Variants in CSMD3 observed in about 807,000 individuals in gnomAD.
CSMD3 encodes CUB and sushi domain-containing protein 3.
CSMD3 carries 177 observed loss-of-function variants against 435.2 expected under a neutral mutation model. That is an observed-to-expected ratio of 0.41 (90% CI 0.36 to 0.46). The LOEUF is 0.46. Among genes scored for constraint, CSMD3 ranks in the 20% least tolerant of loss-of-function variants. CSMD3 has a pLI of 0.34. For synonymous variants in CSMD3, 1,656 were observed against 1,520.5 expected, an observed-to-expected ratio of 1.09 and a Z score of -2.07; for missense variants, 4,265 against 4,504.6, an observed-to-expected ratio of 0.95 and a Z score of 1.52.
intron 13 of CSMD3, among the ~76,000 whole-genome samples, chr8:112,712,057 A>G (rs146383979): frequency 3.3e-5 from 5 of 152,266 alleles, no homozygotes; most frequent in Admixed American, 2.0e-4. Context: ...GTAACTGAGA[A>G]ACACTGTAAA....
chr8:113,322,323 A>C (rs2093954733), intron 1 of CSMD3, among the ~76,000 whole-genome samples: 1 of 152,190 alleles, frequency 6.6e-6, no homozygotes, highest in Non-Finnish European at 1.5e-5. Flanking sequence ...CATGCACATT[A>C]GGAACACATA....
At chr8:113,404,892 A>C (rs1372319460) in intron 1 of CSMD3, among the ~76,000 whole-genome samples, 1 of 151,466 alleles carries the variant, frequency 6.6e-6, no homozygotes, top group Admixed American at 6.6e-5. Context: ...TTCATCCCTT[A>C]AAAAATATAA....
chr8:113,387,887 A>G (rs1162972710), intron 1 of CSMD3, among the ~76,000 whole-genome samples: 1 of 151,708 alleles, frequency 6.6e-6, no homozygotes, highest in African/African-American at 2.4e-5. Flanking sequence ...CCCACATCTC[A>G]TCTAAATACT....
chr8:113,024,320 T>A (rs4876503), intron 5 of CSMD3, among the ~76,000 whole-genome samples: 21 of 2,556 alleles, frequency 8.2e-3, no homozygotes, highest in South Asian at 0.079. Context: ...GTGTGTGTGT[T>A]TGTGTGTGTG....
chr8:112,645,289 C>T, intron 19 of CSMD3, 64 bp from the exon 20 acceptor site: 1 of 886,546 alleles, frequency 1.1e-6, no homozygotes. Context: ...GAACAAATCT[C>T]TATCTCCTCT....
rs115134214 is a variant in CSMD3, at chr8:112,711,942, A to G, written c.1973-21892T>C. On this transcript the variant is annotated intron_variant, in intron 13 of 70. Transcript: ENST00000297405. ...CAATTATATATCAAGATGTTCCAGA[A>G]GAGTCCTACTTAGGACATTATGCCT... Among the ~76,000 whole-genome samples, 611 of 152,226 alleles carry G rather than the reference A, an allele frequency of 4.0e-3. 3 individuals carry two copies. The highest frequency in any genetic ancestry group is 0.014 in the African/African-American group (580 of 41,540).
chr8:113,331,759 TA>T (rs376389178), intron 1 of CSMD3, among the ~76,000 whole-genome samples: 2 of 151,622 alleles, frequency 1.3e-5, no homozygotes, highest in Admixed American at 6.6e-5. Flanking sequence ...CTCAATAAAC[TA>T]AAAATAGAAT....
chr8:112,703,578 A>T (rs1212590431), intron 13 of CSMD3, among the ~76,000 whole-genome samples: 1 of 152,172 alleles, frequency 6.6e-6, no homozygotes, highest in Non-Finnish European at 1.5e-5. Flanking sequence ...CTACTCATTG[A>T]TCAATCTCTG....
At chr8:112,941,525 G>C (rs2083451114) in intron 9 of CSMD3, among the ~76,000 whole-genome samples, 1 of 151,702 alleles carries the variant, frequency 6.6e-6, no homozygotes, top group Admixed American at 6.6e-5. Flanking sequence ...TGGAAATGCA[G>C]ATCAGAGAAC....
intron 3 of CSMD3, among the ~76,000 whole-genome samples, chr8:113,215,625 T>C (rs965666948): frequency 2.0e-5 from 3 of 151,914 alleles, no homozygotes; most frequent in African/African-American, 4.8e-5. Context: ...CAAGTAAATA[T>C]GCCAATGAAT....
Position 112,438,771 on chromosome 8 carries a change from A to G in CSMD3, c.5396-29739T>C, listed in dbSNP as rs191886331. 3.4e-3 allele frequency among the ~76,000 whole-genome samples: 512 copies of G among 152,352 alleles called. 1 individual carries two copies. The highest frequency in any genetic ancestry group is 6.8e-3 in the Middle Eastern group (2 of 294). On this transcript the variant is annotated intron_variant, in intron 32 of 70. Transcript: ENST00000297405. The stretch of plus-strand genomic sequence containing the variant: ...CAACAGGAAAGACTCATAAAAGGGT[A>G]GTTAGCATTTGGTTAAATAAATGAA...
At chr8:112,803,592 C>G (rs561857910) in intron 12 of CSMD3, among the ~76,000 whole-genome samples, 1 of 152,130 alleles carries the variant, frequency 6.6e-6, no homozygotes, top group South Asian at 2.1e-4. Flanking sequence ...GTAGAGTGGT[C>G]TCACTTGCTA....
chr8:112,242,670 A>G (rs1814281348), intron 65 of CSMD3, among the ~76,000 whole-genome samples: 1 of 152,286 alleles, frequency 6.6e-6, no homozygotes, highest in African/African-American at 2.4e-5. Flanking sequence ...TCACTGAGAT[A>G]GGGAATACCA....
intron 24 of CSMD3, among the ~76,000 whole-genome samples, chr8:112,563,143 GA>G (rs911114872): frequency 2.0e-5 from 3 of 151,392 alleles, no homozygotes; most frequent in Middle Eastern, 3.4e-3. Context: ...AGGGAATAAA[GA>G]AAAAAAGAAA....
At chr8:113,068,766 C>T (rs1185373989) in intron 5 of CSMD3, among the ~76,000 whole-genome samples, 1 of 151,960 alleles carries the variant, frequency 6.6e-6, no homozygotes, top group Non-Finnish European at 1.5e-5. Flanking sequence ...GATGTTCTTG[C>T]TATTTTTTCT....
intron 12 of CSMD3, among the ~76,000 whole-genome samples, chr8:112,814,040 A>G (rs2079302962): frequency 6.6e-6 from 1 of 152,152 alleles, no homozygotes; most frequent in Admixed American, 6.6e-5. Context: ...ATAGGCATAC[A>G]CATTTATTTA....
chr8:112,415,571 A>C (rs1233302672), intron 32 of CSMD3, among the ~76,000 whole-genome samples: 1 of 152,180 alleles, frequency 6.6e-6, no homozygotes, highest in East Asian at 1.9e-4. Context: ...AGCTATGAGA[A>C]GAGGGCCACC....
At chr8:113,182,152 T>C (rs1385796073) in intron 3 of CSMD3, among the ~76,000 whole-genome samples, 1 of 152,002 alleles carries the variant, frequency 6.6e-6, no homozygotes, top group Middle Eastern at 3.2e-3. Context: ...AAGACATACA[T>C]GGTAATGACC....
At chr8:113,274,278 G>A (rs939215623) in intron 3 of CSMD3, among the ~76,000 whole-genome samples, 1 of 151,872 alleles carries the variant, frequency 6.6e-6, no homozygotes. Context: ...AATGTATCAA[G>A]GGATCTAGAA....
Sources: allele counts gnomAD v4.1 joint callset (sites outside exome capture counted in the v4.1 genomes callset), GRCh38; gene constraint gnomAD v4.1.1; transcripts MANE v1.5; gene names NCBI Gene and HGNC (gene_info 2026-07-23, HGNC 2026-07-21).